The following ENPP2 variants were observed in gnomAD, a reference collection of about 807,000 sequenced individuals.
The protein encoded by ENPP2 is autotaxin.
ENPP2 carries 51 observed loss-of-function variants against 120.2 expected under a neutral mutation model. The ratio of observed to expected loss-of-function variants is 0.42; its 90% CI spans 0.34 to 0.54. The LOEUF is 0.54. Among genes scored for constraint, ENPP2 ranks in the 20% least tolerant of loss-of-function variants. The pLI is 0.04. For synonymous variants in ENPP2, 365 were observed against 366.4 expected (o/e 1.00, Z 0.04); for missense variants, 920 against 1,066.5 (o/e 0.86, Z 1.91).
At chr8:119,673,289 C>T (rs766914262) in exon 1 of ENPP2, 1 of 1,535,256 alleles carries the variant, frequency 6.5e-7, no homozygotes, top group East Asian at 2.4e-5. Flanking sequence ...GGAGTCTCGG[C>T]GTCTGTTCCT....
At chr8:119,643,652 T>C (rs1193945121), upstream of ENPP2, among the ~76,000 whole-genome samples, 1 of 152,228 alleles carries the variant, frequency 6.6e-6, no homozygotes, top group Non-Finnish European at 1.5e-5. Context: ...CAAGCACTCT[T>C]CTGGGAACTG....
intron 1 of ENPP2, among the ~76,000 whole-genome samples, chr8:119,664,131 A>G (rs1215307110): frequency 2.6e-5 from 4 of 152,240 alleles, no homozygotes; most frequent in Non-Finnish European, 4.4e-5. Flanking sequence ...GAGGGCTTAT[A>G]AAATCATTCT....
rs1442920970 is a variant in ENPP2, at chr8:119,644,611, TATATATATATATATAC to T, written c.22-6100_22-6085del. 1.8e-3 allele frequency among the ~76,000 whole-genome samples: 186 copies of T among 103,222 alleles called. 1 individual carries two copies. The highest frequency in any genetic ancestry group is 2.6e-3 in the Non-Finnish European group (136 of 52,128). 67.7% of individuals were successfully genotyped at this position (103,222 alleles called of 152,430 possible). ...AAATATATATATATATATATATATATATATATATATATATACACACACACACACACACACACATATA... is the reference window on the plus strand; with the variant it reads ...AAATATATATATATATATATATATATACACACACACACACACACACATATA... On this transcript the variant is annotated intron_variant, in intron 1 of 25. Coordinates refer to the ENPP2 transcript ENST00000427067.
intron 11 of ENPP2, among the ~76,000 whole-genome samples, chr8:119,599,142 T>C (rs1028600638): frequency 2.6e-5 from 4 of 152,252 alleles, no homozygotes; most frequent in African/African-American, 7.2e-5. Context: ...TGTATGCAGA[T>C]GTTTATCTCA....
intron 1 of ENPP2, among the ~76,000 whole-genome samples, chr8:119,657,496 T>G (rs1437540525): frequency 6.6e-6 from 1 of 152,238 alleles, no homozygotes; most frequent in Non-Finnish European, 1.5e-5. Context: ...GAACTTTGTA[T>G]GTCGAAGTCT....
chr8:119,671,857 A>AT (rs1818259287), intron 1 of ENPP2, among the ~76,000 whole-genome samples: 1 of 152,188 alleles, frequency 6.6e-6, no homozygotes, highest in South Asian at 2.1e-4. Context: ...ACAAACACTT[A>AT]TGAAGTGAAG....
intron 1 of ENPP2, among the ~76,000 whole-genome samples, chr8:119,656,377 G>A (rs902815012): frequency 2.0e-5 from 3 of 152,062 alleles, no homozygotes; most frequent in African/African-American, 7.2e-5. Flanking sequence ...AGCTGGGAGC[G>A]ATCTCTCTGT....
At chr8:119,637,348 G>A (rs995275190) in intron 2 of ENPP2, among the ~76,000 whole-genome samples, 2 of 152,034 alleles carry the variant, frequency 1.3e-5, no homozygotes, top group African/African-American at 2.4e-5. Flanking sequence ...TCTTAACCCC[G>A]CCACACCCCA....
At chr8:119,645,769 C>T (rs1029047589) in intron 1 of ENPP2, among the ~76,000 whole-genome samples, 10 of 149,220 alleles carry the variant, frequency 6.7e-5, no homozygotes, top group Non-Finnish European at 1.3e-4. Flanking sequence ...GAGCTGAGAT[C>T]GCACCATTGC....
At chr8:119,617,767 G>A (rs890288758) in intron 5 of ENPP2, among the ~76,000 whole-genome samples, 1 of 152,088 alleles carries the variant, frequency 6.6e-6, no homozygotes, top group African/African-American at 2.4e-5. Flanking sequence ...TGGCAACATG[G>A]TGAAACCCCC....
chr8:119,656,123 G>T (rs773258651), intron 1 of ENPP2, among the ~76,000 whole-genome samples: 14 of 152,168 alleles, frequency 9.2e-5, no homozygotes, highest in Non-Finnish European at 2.1e-4. Context: ...TCACAGACTT[G>T]TAGCCTATGG....
chr8:119,643,290 A>C (rs1363085324), upstream of ENPP2, among the ~76,000 whole-genome samples: 6 of 152,170 alleles, frequency 3.9e-5, no homozygotes, highest in Non-Finnish European at 7.4e-5. Flanking sequence ...TAATAGAGGA[A>C]CAAGCTGGCT....
intron 1 of ENPP2, among the ~76,000 whole-genome samples, chr8:119,654,683 A>G (rs572552656): frequency 2.0e-4 from 30 of 152,044 alleles, no homozygotes; most frequent in African/African-American, 7.2e-4. Flanking sequence ...TAGAAGTTAC[A>G]GAGAAGCATA....
At chr8:119,594,094 T>A (rs865903791) in intron 11 of ENPP2, among the ~76,000 whole-genome samples, 38 of 152,322 alleles carry the variant, frequency 2.5e-4, no homozygotes, top group African/African-American at 8.7e-4. Context: ...AAAGATTCTT[T>A]GATATAAAAA....
intron 1 of ENPP2, among the ~76,000 whole-genome samples, chr8:119,663,881 G>C (rs1817994851): frequency 6.6e-6 from 1 of 152,172 alleles, no homozygotes; most frequent in African/African-American, 2.4e-5. Flanking sequence ...TATCTGAAGA[G>C]TATTAATGAT....
At chr8:119,612,589 A>G (rs1315865325) in intron 8 of ENPP2, among the ~76,000 whole-genome samples, 1 of 152,208 alleles carries the variant, frequency 6.6e-6, no homozygotes, top group Non-Finnish European at 1.5e-5. Context: ...AACTTAAGTG[A>G]TAAGAATGCA....
chr8:119,663,608 C>T (rs901039880), intron 1 of ENPP2, among the ~76,000 whole-genome samples: 1 of 152,158 alleles, frequency 6.6e-6, no homozygotes, highest in Non-Finnish European at 1.5e-5. Context: ...GATAACCTAA[C>T]ACAAGCAATA....
Position 119,605,359 on chromosome 8 carries a change from C to T in ENPP2, c.833+2563G>A, listed in dbSNP as rs576387870. Among the ~76,000 whole-genome samples, 17 of 152,076 alleles carry T rather than the reference C, an allele frequency of 1.1e-4. No individual in the cohort carries two copies. In the East Asian group the frequency reaches 3.3e-3, roughly 29 times the overall value. ...GAGACTACAGGCATGAGCCCCCAGG[C>T]CCGGCCATAAGCATTTTAAATATGT... On this transcript the variant is annotated intron_variant, in intron 9 of 24. Coordinates refer to ENST00000075322, the MANE Select transcript of ENPP2 (RefSeq NM_001040092.3).
chr8:119,624,675 C>A (rs1228950920), intron 3 of ENPP2, among the ~76,000 whole-genome samples: 1 of 152,074 alleles, frequency 6.6e-6, no homozygotes, highest in Non-Finnish European at 1.5e-5. Flanking sequence ...ATTACATAGC[C>A]ATTCAAAAGG....
Sources: gnomAD v4.1 joint callset for allele counts (sites outside exome capture counted in the v4.1 genomes callset) on GRCh38, gnomAD v4.1.1 for gene constraint, MANE v1.5 for transcripts, NCBI Gene and HGNC (gene_info 2026-07-23, HGNC 2026-07-21) for gene names.